TOPAZ1: variants seen among roughly 807,000 people sequenced by gnomAD.
The protein encoded by TOPAZ1 is testis and ovary specific TOPAZ 1.
In TOPAZ1, 66 loss-of-function variants were observed where a neutral mutation model predicts 172.2. The observed-to-expected ratio is 0.38, with a 90% CI of 0.31 to 0.47. TOPAZ1 has a LOEUF of 0.47. Ranked by LOEUF, TOPAZ1 falls within the 20% of genes least tolerant of loss-of-function variation. The pLI, the probability that TOPAZ1 is intolerant of heterozygous loss-of-function variation, is 0.99. For synonymous variants in TOPAZ1, 681 were observed against 683.9 expected (o/e 1.00, Z 0.07); for missense variants, 1,822 against 1,972.4 (o/e 0.92, Z 1.44).
At chr3:44,248,231 T>G (rs1003507093) in intron 2 of TOPAZ1, among the ~76,000 whole-genome samples, 5 of 152,234 alleles carry the variant, frequency 3.3e-5, no homozygotes, top group Admixed American at 1.3e-4. Context: ...TTATTTTTTC[T>G]TCTTGTTTTC....
downstream of TOPAZ1, among the ~76,000 whole-genome samples, chr3:44,332,645 T>A (rs929249520): frequency 2.6e-5 from 4 of 152,148 alleles, no homozygotes; most frequent in East Asian, 7.7e-4. Flanking sequence ...ATTTAGGAAG[T>A]TAAAACTCTT....
At chr3:44,333,588 AAG>A (rs1700693056), downstream of TOPAZ1, among the ~76,000 whole-genome samples, 1 of 152,178 alleles carries the variant, frequency 6.6e-6, no homozygotes, top group East Asian at 1.9e-4. Flanking sequence ...ATGATAAATT[AAG>A]GTTTTAGGAA....
At chr3:44,336,018 C>G (rs368803678), downstream of TOPAZ1, among the ~76,000 whole-genome samples, 35 of 152,216 alleles carry the variant, frequency 2.3e-4, no homozygotes, top group East Asian at 5.2e-3. Context: ...AAAATTGAAC[C>G]CTTTGTGTGG....
At position 44,304,026 on chromosome 3, in the gene TOPAZ1, G is replaced by GA; in HGVS notation, c.3810dup (p.Arg1271ThrfsTer3). On this transcript the variant is annotated frameshift_variant, in exon 13 of 20. Transcript: ENST00000309765. LOFTEE classifies it high-confidence loss of function. The stretch of plus-strand genomic sequence containing the variant: ...TTCTTTTGTTAAAGGTTACAGATGA[G>GA]ACGATTTAAAAAGAACTGGAAGTGT... The GA allele has an allele frequency of 6.5e-7, 1 of 1,537,562 alleles. No individual in the cohort carries two copies. Among genetic ancestry groups the GA allele is most frequent in the South Asian group, 1.2e-5 (1 of 82,748 alleles).
intron 12 of TOPAZ1, among the ~76,000 whole-genome samples, chr3:44,300,109 A>AAAAT (rs1192360551): frequency 1.0e-4 from 15 of 146,308 alleles, no homozygotes; most frequent in African/African-American, 3.6e-4. Flanking sequence ...TAATAATAAT[A>AAAAT]AAATAAATAA....
At chr3:44,249,297 T>G (rs1699602544) in intron 2 of TOPAZ1, among the ~76,000 whole-genome samples, 1 of 152,002 alleles carries the variant, frequency 6.6e-6, no homozygotes, top group Non-Finnish European at 1.5e-5. Context: ...TAAACTGAAG[T>G]ACTAAGAGTA....
At chr3:44,251,544 G>A (rs1171485714) in intron 2 of TOPAZ1, among the ~76,000 whole-genome samples, 3 of 152,120 alleles carry the variant, frequency 2.0e-5, no homozygotes, top group South Asian at 2.1e-4. Context: ...TTACAATCTG[G>A]TACACATTTA....
chr3:44,290,657 C>T (rs1700127060), intron 11 of TOPAZ1, 114 bp from the exon 12 acceptor site: 4 of 628,766 alleles, frequency 6.4e-6, no homozygotes, highest in Non-Finnish European at 1.1e-5. Flanking sequence ...TTTTATTCCA[C>T]TTGTCTCCAT....
At chr3:44,313,703 C>T (rs1440828630) in intron 16 of TOPAZ1, among the ~76,000 whole-genome samples, 1 of 151,738 alleles carries the variant, frequency 6.6e-6, no homozygotes, top group Non-Finnish European at 1.5e-5. Flanking sequence ...CAAACATGTC[C>T]TTTTAGGTAT....
chr3:44,273,627 C>G (rs556475749), intron 8 of TOPAZ1, among the ~76,000 whole-genome samples: 14 of 152,268 alleles, frequency 9.2e-5, no homozygotes, highest in East Asian at 3.9e-4. Flanking sequence ...TGTACCACCC[C>G]CCATGCTCCA....
intron 4 of TOPAZ1, among the ~76,000 whole-genome samples, chr3:44,260,732 A>G (rs985912500): frequency 2.6e-5 from 4 of 152,056 alleles, no homozygotes; most frequent in Non-Finnish European, 5.9e-5. Flanking sequence ...TCCAAATTAT[A>G]TACTCATTTA....
intron 18 of TOPAZ1, among the ~76,000 whole-genome samples, chr3:44,328,047 C>T (rs1182252787): frequency 6.6e-6 from 1 of 152,098 alleles, no homozygotes; most frequent in Non-Finnish European, 1.5e-5. Flanking sequence ...CCCAGCCCTT[C>T]TCACTTTTTA....
chr3:44,323,103 G>A lies in TOPAZ1; in HGVS notation c.4483G>A (p.Val1495Ile). 6.6e-7 allele frequency: 1 copy of A among 1,522,424 alleles called. No homozygotes were observed. Among genetic ancestry groups the A allele is most frequent in the Non-Finnish European group, 8.8e-7 (1 of 1,135,748 alleles). 94.3% of individuals were successfully genotyped at this position (1,522,424 alleles called of 1,614,324 possible). The stretch of plus-strand genomic sequence containing the variant: ...TTTTTTTATTCCAGAAACTGTGGAA[G>A]TCTCACAATATAGCCTTCTTTTTAA... The part of the protein sequence containing the change: ...GFQNSQETVE[V>I]SQYSLLFNKL... The change falls in exon 18 of 20, where the codon GTC becomes ATC. Residue 1495 changes from valine to isoleucine, a missense_variant. Val to Ile is a conservative substitution (Grantham distance 29). Around this residue, in one of 2 missense-constraint regions of TOPAZ1, gnomAD observed 333 missense variants for 481.7 expected, o/e 0.69. Coordinates refer to ENST00000309765, the MANE Select transcript of TOPAZ1 (RefSeq NM_001145030.2).
At chr3:44,299,529 T>G (rs1700244100) in intron 12 of TOPAZ1, among the ~76,000 whole-genome samples, 1 of 152,034 alleles carries the variant, frequency 6.6e-6, no homozygotes, top group Non-Finnish European at 1.5e-5. Flanking sequence ...TCAACCATTG[T>G]GGAAGTCAGT....
rs1439977588 is a variant in TOPAZ1 at position 44,287,698 on chromosome 3, G to A, written c.3589-49G>A. On this transcript the variant is annotated intron_variant, in intron 10 of 19. Coordinates refer to ENST00000309765, the MANE Select transcript of TOPAZ1 (RefSeq NM_001145030.2). ...TAAATGAATTTGAGAAATTTAAGGTGTACTAAAAGAAGATCTGAAAATGAG... is the reference window on the plus strand; with the variant it reads ...TAAATGAATTTGAGAAATTTAAGGTATACTAAAAGAAGATCTGAAAATGAG... The A allele has an allele frequency of 1.7e-5, 19 of 1,109,186 alleles. No individual in the cohort carries two copies. The Admixed American group carries it at 1.8e-4, about 11-fold the overall frequency. 68.7% of individuals were successfully genotyped at this position (1,109,186 alleles called of 1,614,324 possible). A position where few individuals can be genotyped will look rare whatever the true frequency, so the allele number is the denominator to read the frequency against.
chr3:44,287,506 A>G lies in TOPAZ1; in HGVS notation c.3554A>G (p.Gln1185Arg). The change falls in exon 10 of 20, where the codon CAG (glutamine) becomes CGG (arginine). Residue 1185 changes from glutamine (Q) to arginine (R), a missense_variant. By Grantham distance (43) the Gln-to-Arg change is conservative. Coordinates refer to ENST00000309765, the MANE Select transcript of TOPAZ1 (RefSeq NM_001145030.2). ...LKHCLLKEVF[Q>R]IVNLSIMVKM... ...CATTGTTTGTTGAAAGAAGTATTTCAGATAGTGAACCTCAGCATAATGGTT... is the reference window on the plus strand; with the variant it reads ...CATTGTTTGTTGAAAGAAGTATTTCGGATAGTGAACCTCAGCATAATGGTT... The G allele has an allele frequency of 6.6e-7, 1 of 1,524,126 alleles. No individual in the cohort carries two copies. Among genetic ancestry groups the G allele is most frequent in the Non-Finnish European group, 8.8e-7 (1 of 1,135,382 alleles). The allele number at this position is 1,524,126 out of a possible 1,614,324, so 94.4% of individuals were successfully genotyped here.
At chr3:44,283,034 C>T (rs975602471) in intron 9 of TOPAZ1, among the ~76,000 whole-genome samples, 2 of 152,002 alleles carry the variant, frequency 1.3e-5, no homozygotes, top group Non-Finnish European at 2.9e-5. Flanking sequence ...AATTCCATAA[C>T]ATGAGATGTG....
intron 17 of TOPAZ1, among the ~76,000 whole-genome samples, chr3:44,322,853 G>A (rs1469104455): frequency 1.3e-5 from 2 of 152,180 alleles, no homozygotes; most frequent in Non-Finnish European, 2.9e-5. Flanking sequence ...AGGAGGTGAA[G>A]GTTGCAGTGA....
chr3:44,276,530 T>C (rs549177092), intron 8 of TOPAZ1, among the ~76,000 whole-genome samples: 17 of 152,112 alleles, frequency 1.1e-4, no homozygotes, highest in African/African-American at 4.1e-4. Flanking sequence ...CATTGGTCTA[T>C]AGGTCTGTTT....
Sources: gnomAD v4.1 joint callset for allele counts (sites outside exome capture counted in the v4.1 genomes callset) on GRCh38, gnomAD v4.1.1 for gene constraint, gnomAD v4.1.1 regional missense constraint, MANE v1.5 for transcripts, NCBI Gene and HGNC (gene_info 2026-07-23, HGNC 2026-07-21) for gene names.